PPP2R2B: variants seen among roughly 807,000 people sequenced by gnomAD.
PPP2R2B encodes serine/threonine-protein phosphatase 2A 55 kDa regulatory subunit B beta isoform.
In PPP2R2B, 5 loss-of-function variants were observed where a neutral mutation model predicts 46.0. That is an observed-to-expected ratio of 0.11 (90% confidence interval 0.06 to 0.23). The LOEUF is 0.23. Among genes scored for constraint, PPP2R2B ranks in the 10% least tolerant of loss-of-function variants. The probability of loss-of-function intolerance (pLI) is 1.00; values close to 1 mark genes in which losing one functional copy is unlikely to be tolerated. For synonymous variants in PPP2R2B, 215 were observed against 206.7 expected (o/e 1.04, Z -0.34); for missense variants, 367 against 575.0 (o/e 0.64, Z 3.70).
chr5:146,784,888 G>T (rs183665), intron 2 of PPP2R2B, among the ~76,000 whole-genome samples: 3 of 151,924 alleles, frequency 2.0e-5, no homozygotes, highest in Non-Finnish European at 4.4e-5. Flanking sequence ...TTAGACATAC[G>T]TAAGTTAGAT....
chr5:146,841,621 A>G (rs889776080), intron 2 of PPP2R2B, among the ~76,000 whole-genome samples: 1 of 152,204 alleles, frequency 6.6e-6, no homozygotes, highest in Non-Finnish European at 1.5e-5. Context: ...GGATGAGTTC[A>G]TGTCCTTTGC....
intron 1 of PPP2R2B, among the ~76,000 whole-genome samples, chr5:146,959,655 G>A (rs946421745): frequency 1.3e-5 from 2 of 152,186 alleles, no homozygotes; most frequent in Non-Finnish European, 1.5e-5. Context: ...CTGGGTCCTT[G>A]AAGAGGTGCT....
chr5:146,798,172 C>T (rs76120772), intron 2 of PPP2R2B, among the ~76,000 whole-genome samples: 4,258 of 152,104 alleles, frequency 0.028, 124 homozygotes, highest in Non-Finnish European at 0.034. Context: ...TTTCATTCAC[C>T]CAGAAGGCAA....
At chr5:146,997,091 T>C (rs1034319510) in intron 1 of PPP2R2B, among the ~76,000 whole-genome samples, 1 of 152,200 alleles carries the variant, frequency 6.6e-6, no homozygotes. Context: ...AGTTTACTTC[T>C]ACCAGTATGA....
chr5:146,614,983 C>T (rs1489567427), intron 7 of PPP2R2B, among the ~76,000 whole-genome samples: 2 of 124,204 alleles, frequency 1.6e-5, no homozygotes, highest in Non-Finnish European at 1.6e-5. Context: ...CCCATTTGAC[C>T]CAGCCATCCC....
At chr5:147,080,565 GC>G (rs755193490) in intron 2 of PPP2R2B, among the ~76,000 whole-genome samples, 1 of 152,120 alleles carries the variant, frequency 6.6e-6, no homozygotes, top group Non-Finnish European at 1.5e-5. Flanking sequence ...CAGGTAAAGG[GC>G]CCTGGAATAG....
chr5:147,011,302 C>A (rs1000406404), intron 1 of PPP2R2B, among the ~76,000 whole-genome samples: 3 of 151,936 alleles, frequency 2.0e-5, no homozygotes, highest in African/African-American at 7.3e-5. Context: ...TATAAATGCC[C>A]CCCCCATCCC....
intron 2 of PPP2R2B, among the ~76,000 whole-genome samples, chr5:146,806,162 TAC>T (rs1198159775): frequency 6.6e-6 from 1 of 152,166 alleles, no homozygotes; most frequent in African/African-American, 2.4e-5. Flanking sequence ...GATGCGCACA[TAC>T]ACACATGTGC....
intron 2 of PPP2R2B, among the ~76,000 whole-genome samples, chr5:146,811,526 G>A (rs1757540618): frequency 6.8e-6 from 1 of 147,384 alleles, no homozygotes; most frequent in African/African-American, 2.5e-5. Flanking sequence ...CCAATAGACT[G>A]TAAGCTCTGT....
At chr5:146,826,852 T>A (rs1188187488) in intron 2 of PPP2R2B, among the ~76,000 whole-genome samples, 1 of 152,142 alleles carries the variant, frequency 6.6e-6, no homozygotes, top group Admixed American at 6.5e-5. Context: ...GCCTACACCA[T>A]ACATCTGTCA....
Position 146,878,287 on chromosome 5 carries a change from C to A in PPP2R2B, c.-124-92G>T, listed in dbSNP as rs1307307992. 6 of 1,457,996 alleles carry A rather than the reference C, an allele frequency of 4.1e-6. No individual in the cohort carries two copies. The East Asian group carries it at 1.5e-4, about 36-fold the overall frequency. 90.3% of individuals were successfully genotyped at this position (1,457,996 alleles called of 1,614,324 possible). On this transcript the variant is annotated intron_variant, in intron 1 of 9. Transcript: ENST00000394411. This position sits in a 1 kb window ranked among gnomAD's most constrained non-coding sequence, Gnocchi z 4.5. ...CCACTCGGGTTCTGCGAGGCTGCGG[C>A]GGCTCCTCCCGCGCGGTGCGCTCAC... is the stretch of plus-strand genomic sequence containing the variant.
At chr5:146,666,427 T>G (rs897588057) in intron 5 of PPP2R2B, among the ~76,000 whole-genome samples, 1 of 152,244 alleles carries the variant, frequency 6.6e-6, no homozygotes, top group Non-Finnish European at 1.5e-5. Flanking sequence ...ACATCATGTT[T>G]AATGTTTTGT....
intron 1 of PPP2R2B, among the ~76,000 whole-genome samples, chr5:146,966,009 T>C (rs1350004377): frequency 6.6e-6 from 1 of 152,182 alleles, no homozygotes; most frequent in Admixed American, 6.5e-5. Flanking sequence ...GCATACAATA[T>C]GTGGTCGGTT....
intron 3 of PPP2R2B, among the ~76,000 whole-genome samples, chr5:146,699,577 AT>A (rs1449632633): frequency 6.6e-6 from 1 of 152,058 alleles, no homozygotes; most frequent in Non-Finnish European, 1.5e-5. Flanking sequence ...GTAGAGCAGA[AT>A]ATTACTGGCA....
chr5:146,885,623 A>G (rs1373362857), intron 1 of PPP2R2B, among the ~76,000 whole-genome samples: 3 of 152,228 alleles, frequency 2.0e-5, no homozygotes, highest in Admixed American at 6.5e-5. Flanking sequence ...CTATGTATAT[A>G]TTGAAGAGAA....
chr5:146,750,659 G>A (rs1443261311), intron 2 of PPP2R2B, among the ~76,000 whole-genome samples: 1 of 152,162 alleles, frequency 6.6e-6, no homozygotes, highest in Non-Finnish European at 1.5e-5. Flanking sequence ...GTGGCTTGCT[G>A]GAGGAAAGCC....
chr5:146,980,503 A>C (rs866231982), intron 1 of PPP2R2B, among the ~76,000 whole-genome samples: 1 of 152,200 alleles, frequency 6.6e-6, no homozygotes, highest in South Asian at 2.1e-4. Flanking sequence ...GAGCTGGAAG[A>C]AACAGCAACA....
At chr5:146,620,182 C>T (rs951218898) in intron 7 of PPP2R2B, among the ~76,000 whole-genome samples, 1 of 152,146 alleles carries the variant, frequency 6.6e-6, no homozygotes, top group African/African-American at 2.4e-5. Flanking sequence ...GAAGGAGACT[C>T]AGCTGGAATC....
intron 5 of PPP2R2B, among the ~76,000 whole-genome samples, chr5:146,653,692 C>T: frequency 6.6e-6 from 1 of 152,174 alleles, no homozygotes; most frequent in East Asian, 1.9e-4. Context: ...AGAGGCATTA[C>T]AGAGTGGGAG....
Sources: allele counts gnomAD v4.1 joint callset (sites outside exome capture counted in the v4.1 genomes callset), GRCh38; gene constraint gnomAD v4.1.1; non-coding constraint Gnocchi (gnomAD v3.1); transcripts MANE v1.5; gene names NCBI Gene and HGNC (gene_info 2026-07-23, HGNC 2026-07-21).